Variants in DNPEP observed in about 807,000 individuals in gnomAD.
DNPEP encodes aspartyl aminopeptidase.
A neutral mutation model predicts 59.1 loss-of-function variants in DNPEP; 46 were observed. That is an observed-to-expected ratio of 0.78 (90% CI 0.61 to 0.99). The LOEUF is 0.99. Ranked by LOEUF, DNPEP falls within the 50% of genes least tolerant of loss-of-function variation. The probability of loss-of-function intolerance (pLI) is 0.00; values close to 1 mark genes in which losing one functional copy is unlikely to be tolerated. For missense variants in DNPEP, 617 were observed against 649.9 expected (o/e 0.95, Z 0.55); for synonymous variants, 229 against 242.2 (o/e 0.95, Z 0.50).
intron 13 of DNPEP, among the ~76,000 whole-genome samples, chr2:219,375,268 A>G (rs1953325132): frequency 6.6e-6 from 1 of 152,192 alleles, no homozygotes; most frequent in Admixed American, 6.5e-5. Flanking sequence ...GGGATTTTTA[A>G]AAGTATCCAT....
intron 1 of DNPEP, 82 bp downstream of exon 1, chr2:219,387,677 C>T: frequency 6.3e-7 from 1 of 1,590,242 alleles, no homozygotes; most frequent in Non-Finnish European, 8.6e-7. Context: ...CCCACTGCAG[C>T]ACCGCGCTAA....
Position 219,382,695 on chromosome 2 carries a change from C to T in DNPEP, c.936+436G>A, listed in dbSNP as rs115617830. 6.4e-3 allele frequency among the ~76,000 whole-genome samples: 982 copies of T among 152,292 alleles called. 13 individuals carry two copies. The highest frequency in any genetic ancestry group is 0.022 in the African/African-American group (914 of 41,534). On this transcript the variant is annotated intron_variant, in intron 10 of 14. Transcript: ENST00000273075. Reference sequence around the variant, plus strand: ...AGAGCTGGAACGGCCACCCTGAATCCTGAAATGGAAGTCATGTGTTCAGGA... The same window carrying T: ...AGAGCTGGAACGGCCACCCTGAATCTTGAAATGGAAGTCATGTGTTCAGGA...
chr2:219,375,129 C>T, intron 13 of DNPEP, 107 bp from the exon 14 acceptor site: 1 of 1,162,710 alleles, frequency 8.6e-7, no homozygotes, highest in Admixed American at 2.2e-5. Flanking sequence ...GGAGATGGTC[C>T]ATTCGGAGCA....
At chr2:219,388,587 C>G (rs1199270951), upstream of DNPEP, 1 of 593,248 alleles carries the variant, frequency 1.7e-6, no homozygotes, top group East Asian at 1.4e-4. Flanking sequence ...CCGCGCGACC[C>G]GCAGCCGCCG....
intron 1 of DNPEP, among the ~76,000 whole-genome samples, chr2:219,399,079 G>A (rs76199853): frequency 0.028 from 4,178 of 149,646 alleles, 193 homozygotes; most frequent in African/African-American, 0.099. Context: ...TTAAGTTTGA[G>A]TAAATATGTC....
intron 6 of DNPEP, 55 bp from the exon 7 acceptor site, chr2:219,385,761 G>T: frequency 6.7e-7 from 1 of 1,495,596 alleles, no homozygotes; most frequent in Non-Finnish European, 9.1e-7. Flanking sequence ...GCTGAGTGCG[G>T]CATCCATAAG....
Position 219,385,411 on chromosome 2 carries a change from A to G in DNPEP, c.774+13T>C, listed in dbSNP as rs2125139628. 6.3e-7 allele frequency: 1 copy of G among 1,597,346 alleles called. No individual in the cohort carries two copies. Among genetic ancestry groups the G allele is most frequent in the Non-Finnish European group, 8.6e-7 (1 of 1,165,368 alleles). On this transcript the variant is annotated intron_variant, in intron 8 of 14. Coordinates refer to ENST00000273075, the MANE Select transcript of DNPEP (RefSeq NM_012100.4). ...AGGCCCTTCACCCACAGGTTCCTAC[A>G]GCCAGTCCTCACCGCAGGCTGGGTG...
chr2:219,390,818 G>A (rs1323138230), upstream of DNPEP, among the ~76,000 whole-genome samples: 10 of 151,900 alleles, frequency 6.6e-5, no homozygotes, highest in African/African-American at 1.9e-4. Context: ...CAACAAGTGC[G>A]AGACTCCAAC....
chr2:219,387,901 T>G lies in DNPEP; in HGVS notation c.-107A>C. The G allele has an allele frequency of 7.2e-7, 1 of 1,389,152 alleles. No individual in the cohort carries two copies. The highest frequency in any genetic ancestry group is 9.3e-7 in the Non-Finnish European group (1 of 1,074,192). The allele number at this position is 1,389,152 out of a possible 1,614,324, so 86.1% of individuals were successfully genotyped here. On this transcript the variant is annotated 5_prime_UTR_variant, in exon 1 of 15. Transcript: ENST00000273075. ...CAGGCCGCGCCGCACTCGTAGGCCTTCATCACGCTTCCCCGGCCGCGCCGC... is the reference window on the plus strand; with the variant it reads ...CAGGCCGCGCCGCACTCGTAGGCCTGCATCACGCTTCCCCGGCCGCGCCGC...
intron 13 of DNPEP, among the ~76,000 whole-genome samples, chr2:219,379,837 G>A (rs1953516164): frequency 6.6e-6 from 1 of 152,112 alleles, no homozygotes; most frequent in African/African-American, 2.4e-5. Flanking sequence ...AGAATCGCTT[G>A]AACCTGGGAG....
upstream of DNPEP, among the ~76,000 whole-genome samples, chr2:219,390,686 T>C (rs1010652585): frequency 2.6e-5 from 4 of 152,112 alleles, no homozygotes; most frequent in African/African-American, 9.7e-5. Flanking sequence ...AAAAATTAGC[T>C]GGACATGGTG....
intron 13 of DNPEP, among the ~76,000 whole-genome samples, chr2:219,379,205 C>T (rs1002786733): frequency 3.3e-5 from 5 of 151,802 alleles, no homozygotes; most frequent in Admixed American, 6.6e-5. Context: ...GCATGAGCCA[C>T]GATGCCCAGC....
At position 219,385,479 on chromosome 2, in the gene DNPEP, AG is replaced by A; in HGVS notation, c.718del (p.Leu240Ter). On this transcript the variant is annotated frameshift_variant, in exon 8 of 15. Transcript: ENST00000273075. LOFTEE classifies it high-confidence loss of function. Reference sequence around the variant, plus strand: ...CATCTCCACTATGTCCTTGGGGCTCAGCCCCAGATGGGCACAGAGCAGGGAC... The same window carrying A: ...CATCTCCACTATGTCCTTGGGGCTCACCCCAGATGGGCACAGAGCAGGGAC... ...LMSLLCAHLG[L>X]SPKDIVEMEL... 6.2e-7 allele frequency: 1 copy of A among 1,608,498 alleles called. No individual in the cohort carries two copies. The highest frequency in any genetic ancestry group is 8.5e-7 in the Non-Finnish European group (1 of 1,175,320).
intron 13 of DNPEP, among the ~76,000 whole-genome samples, chr2:219,379,633 A>G (rs924334469): frequency 6.6e-6 from 1 of 152,130 alleles, no homozygotes; most frequent in Admixed American, 6.6e-5. Context: ...TTATAAAGTA[A>G]AAAAGTTGGC....
chr2:219,399,695 G>C (rs1575005386), intron 1 of DNPEP, among the ~76,000 whole-genome samples: 1 of 152,206 alleles, frequency 6.6e-6, no homozygotes, highest in Admixed American at 6.5e-5. Context: ...GTATTATTCT[G>C]TTAAGCCACT....
intron 14 of DNPEP, 74 bp downstream of exon 14, chr2:219,374,781 T>A: frequency 6.5e-7 from 1 of 1,530,256 alleles, no homozygotes; most frequent in Non-Finnish European, 8.9e-7. Flanking sequence ...GATGGCGATG[T>A]TGTCCCAGCA....
At chr2:219,396,585 C>T (rs1297090766) in intron 1 of DNPEP, among the ~76,000 whole-genome samples, 1 of 150,266 alleles carries the variant, frequency 6.7e-6, no homozygotes, top group Non-Finnish European at 1.5e-5. Flanking sequence ...AAGACTCCAT[C>T]TCAAAAAAAA....
In DNPEP at chr2:219,374,034, A is replaced by G. The variant is rs985518543; in HGVS notation, c.*258T>C. On this transcript the variant is annotated 3_prime_UTR_variant, in exon 15 of 15. Coordinates refer to ENST00000273075, the MANE Select transcript of DNPEP (RefSeq NM_012100.4). ...AGTCCACCCTTCACCCACTTCAGAC[A>G]TGGACTTGAGACAGAGAAGAGATTT... The G allele has an allele frequency of 7.8e-5, 36 of 462,832 alleles. No homozygotes were observed. Among genetic ancestry groups the G allele is most frequent in the Non-Finnish European group, 1.4e-4 (36 of 256,856 alleles). 28.7% of individuals were successfully genotyped at this position (462,832 alleles called of 1,614,324 possible).
Position 219,381,329 on chromosome 2 carries a change from C to G in DNPEP, c.1239+6G>C. The G allele has an allele frequency of 2.5e-6, 4 of 1,612,704 alleles. No homozygotes were observed. Among genetic ancestry groups the G allele is most frequent in the Non-Finnish European group, 3.4e-6 (4 of 1,179,202 alleles). ...TCACACCTTCCCAGGCAGGGCCCAC[C>G]CTCACCTGCAGGGGGACCTTGACTT... On this transcript the variant is annotated splice_donor_region_variant and intron_variant, in intron 13 of 14. Coordinates refer to ENST00000273075, the MANE Select transcript of DNPEP (RefSeq NM_012100.4).
Sources: gnomAD v4.1 joint callset for allele counts (sites outside exome capture counted in the v4.1 genomes callset) on GRCh38, gnomAD v4.1.1 for gene constraint, MANE v1.5 for transcripts, NCBI Gene and HGNC (gene_info 2026-07-23, HGNC 2026-07-21) for gene names.